The following RREB1 variants were observed in gnomAD, a reference collection of about 807,000 sequenced individuals.
RREB1 encodes ras-responsive element-binding protein 1.
Under a neutral mutation model 117.8 loss-of-function variants are expected in RREB1, and 27 were observed. The ratio of observed to expected loss-of-function variants is 0.23; its 90% CI spans 0.17 to 0.32. The LOEUF (loss-of-function observed/expected upper bound fraction) is 0.32. RREB1 is among the 10% of genes least tolerant of loss of function. RREB1 has a pLI of 1.00. For synonymous variants in RREB1, 1,298 were observed against 1,026.7 expected, an observed-to-expected ratio of 1.26 and a Z score of -5.05; for missense variants, 2,577 against 2,378.2, an observed-to-expected ratio of 1.08 and a Z score of -1.74.
At chr6:7,139,305 T>A (rs1388632845) in intron 1 of RREB1, 1 of 152,192 alleles carries the variant, frequency 6.6e-6, no homozygotes, top group Non-Finnish European at 1.5e-5. Context: ...GTTTGTAAGT[T>A]GAAATTTTAT....
At position 7,229,345 on chromosome 6, in the gene RREB1, G is replaced by C. The variant is rs758335458; in HGVS notation, c.1246G>C (p.Glu416Gln). The change falls in exon 10 of 13, where the codon GAA becomes CAA. Residue 416 changes from glutamate (E) to glutamine (Q), a missense_variant. Glu to Gln is a conservative substitution (Grantham distance 29). Transcript: ENST00000379938. This position sits in a 1 kb window ranked among gnomAD's most constrained non-coding sequence, Gnocchi z 4.5. ...CTNLLSLSPF[E>Q]AASLGGSLTV... is the part of the protein sequence containing the mutation. ...CAACCTGCTGAGCCTGTCACCTTTC[G>C]AAGCTGCTTCCCTAGGCGGTTCTCT... The C allele has an allele frequency of 6.2e-7, 1 of 1,614,186 alleles. No individual in the cohort carries two copies. The highest frequency in any genetic ancestry group is 1.1e-5 in the South Asian group (1 of 91,086).
intron 8 of RREB1, among the ~76,000 whole-genome samples, chr6:7,223,976 AAT>A (rs1236843926): frequency 2.6e-5 from 4 of 152,196 alleles, no homozygotes; most frequent in Non-Finnish European, 5.9e-5. Flanking sequence ...AAAAGAAAAG[AAT>A]AGTCTCTGTG....
At chr6:7,239,929 G>A (rs1768586473) in intron 10 of RREB1, among the ~76,000 whole-genome samples, 1 of 152,208 alleles carries the variant, frequency 6.6e-6, no homozygotes, top group Admixed American at 6.5e-5. Flanking sequence ...AGGCCAGGAA[G>A]GGGGACTGGC....
intron 1 of RREB1, among the ~76,000 whole-genome samples, chr6:7,151,528 C>T (rs1404054054): frequency 1.3e-5 from 2 of 152,194 alleles, no homozygotes; most frequent in Admixed American, 6.5e-5. Context: ...GGAGTCATTT[C>T]GCTGAGAACT....
chr6:7,169,836 T>C (rs951896555), intron 1 of RREB1, among the ~76,000 whole-genome samples: 23 of 152,182 alleles, frequency 1.5e-4, no homozygotes, highest in Admixed American at 1.4e-3. Flanking sequence ...TCTGGCATTG[T>C]CCAGAAAATC....
At chr6:7,247,279 C>T (rs1296432678) in intron 12 of RREB1, 58 bp downstream of exon 12, 2 of 1,489,964 alleles carry the variant, frequency 1.3e-6, no homozygotes, top group Non-Finnish European at 1.8e-6. Context: ...GGGCACCTCT[C>T]CTAGGAGCTC....
intron 4 of RREB1, among the ~76,000 whole-genome samples, chr6:7,185,934 A>C (rs1227246851): frequency 2.0e-5 from 3 of 152,202 alleles, no homozygotes; most frequent in Non-Finnish European, 4.4e-5. Flanking sequence ...CAGTTTCCGC[A>C]TCCAGAAAAT....
At chr6:7,179,047 G>T (rs907863061) in intron 2 of RREB1, among the ~76,000 whole-genome samples, 2 of 152,102 alleles carry the variant, frequency 1.3e-5, no homozygotes, top group East Asian at 1.9e-4. Context: ...TGACTGAAAA[G>T]AATTTTTACT....
At chr6:7,185,881 A>G (rs750880496) in intron 4 of RREB1, among the ~76,000 whole-genome samples, 1 of 152,142 alleles carries the variant, frequency 6.6e-6, no homozygotes, top group South Asian at 2.1e-4. Flanking sequence ...CTACCACTTA[A>G]TAGTTCTCTG....
chr6:7,168,454 C>G (rs533791376), intron 1 of RREB1, among the ~76,000 whole-genome samples: 4 of 152,112 alleles, frequency 2.6e-5, no homozygotes, highest in Admixed American at 2.0e-4. Flanking sequence ...CACCCATTGC[C>G]GGACTGGGGT....
chr6:7,191,882 C>T (rs150491243), intron 6 of RREB1, among the ~76,000 whole-genome samples: 12 of 152,130 alleles, frequency 7.9e-5, no homozygotes, highest in Middle Eastern at 6.8e-3. Context: ...TTCATTTTCT[C>T]GCCTACTTGC....
At chr6:7,144,330 T>A (rs1425909936) in intron 1 of RREB1, among the ~76,000 whole-genome samples, 1 of 152,336 alleles carries the variant, frequency 6.6e-6, no homozygotes, top group South Asian at 2.1e-4. Context: ...ACTGTACATA[T>A]ACAATTTTAA....
intron 4 of RREB1, among the ~76,000 whole-genome samples, 176 bp from the exon 5 acceptor site, chr6:7,187,258 A>G (rs1013471502): frequency 3.3e-5 from 5 of 152,138 alleles, no homozygotes; most frequent in Non-Finnish European, 7.4e-5. Context: ...CATCTTTCAA[A>G]TGAGGAAACT....
At chr6:7,194,499 C>T (rs564247999) in intron 6 of RREB1, among the ~76,000 whole-genome samples, 1 of 152,168 alleles carries the variant, frequency 6.6e-6, no homozygotes, top group East Asian at 1.9e-4. Context: ...TGCAGTGAGC[C>T]GAGATCTTGC....
At chr6:7,190,773 C>T (rs1035614641) in intron 6 of RREB1, among the ~76,000 whole-genome samples, 1 of 152,124 alleles carries the variant, frequency 6.6e-6, no homozygotes, top group South Asian at 2.1e-4. Context: ...CGTTCTACAC[C>T]CCACACCCCC....
At chr6:7,189,371 T>C (rs1765276813) in intron 6 of RREB1, 49 bp downstream of exon 6, 2 of 1,516,526 alleles carry the variant, frequency 1.3e-6, no homozygotes, top group Non-Finnish European at 1.8e-6. Flanking sequence ...ACTTGGAGGT[T>C]GGCAGGCAGG....
chr6:7,220,541 C>T (rs1767189595), intron 8 of RREB1, among the ~76,000 whole-genome samples: 1 of 152,136 alleles, frequency 6.6e-6, no homozygotes, highest in African/African-American at 2.4e-5. Flanking sequence ...AGATACACTT[C>T]CCCCAAATAC....
intron 10 of RREB1, among the ~76,000 whole-genome samples, chr6:7,238,648 C>G (rs1183003404): frequency 6.6e-6 from 1 of 151,988 alleles, no homozygotes; most frequent in Non-Finnish European, 1.5e-5. Flanking sequence ...AAAACACCTG[C>G]AGAATGATAT....
At chr6:7,148,674 C>T (rs1425483326) in intron 1 of RREB1, among the ~76,000 whole-genome samples, 1 of 152,020 alleles carries the variant, frequency 6.6e-6, no homozygotes, top group East Asian at 1.9e-4. Context: ...CTTAAGGAAA[C>T]AGGGAAGTTT....
Sources: allele counts gnomAD v4.1 joint callset (sites outside exome capture counted in the v4.1 genomes callset), GRCh38; gene constraint gnomAD v4.1.1; non-coding constraint Gnocchi (gnomAD v3.1); transcripts MANE v1.5; gene names NCBI Gene and HGNC (gene_info 2026-07-23, HGNC 2026-07-21).